Variants in NBEAL1 observed in about 807,000 individuals in gnomAD.
NBEAL1 encodes neurobeachin-like protein 1.
NBEAL1 carries 273 observed loss-of-function variants against 351.3 expected under a neutral mutation model. That is an observed-to-expected ratio of 0.78 (90% CI 0.70 to 0.86). NBEAL1 has a LOEUF of 0.86. NBEAL1 is among the 40% of genes least tolerant of loss of function. The probability of loss-of-function intolerance (pLI) is 0.00; values close to 1 mark genes in which losing one functional copy is unlikely to be tolerated. For missense variants in NBEAL1, 2,961 were observed against 3,201.3 expected (o/e 0.92, Z 1.81); for synonymous variants, 1,050 against 1,086.4 (o/e 0.97, Z 0.66).
intron 2 of NBEAL1, among the ~76,000 whole-genome samples, chr2:203,021,214 T>C (rs930237554): frequency 2.0e-5 from 3 of 151,832 alleles, no homozygotes; most frequent in African/African-American, 7.3e-5. Flanking sequence ...ACTCCTGACC[T>C]CAGGCGATCC....
intron 36 of NBEAL1, among the ~76,000 whole-genome samples, chr2:203,158,353 A>G (rs1248902181): frequency 6.6e-6 from 1 of 152,212 alleles, no homozygotes; most frequent in Non-Finnish European, 1.5e-5. Context: ...AAATGACTGA[A>G]AAGAATAGTA....
chr2:203,087,800 A>C (rs113665863), intron 10 of NBEAL1, among the ~76,000 whole-genome samples: 5,522 of 152,224 alleles, frequency 0.036, 133 homozygotes, highest in Middle Eastern at 0.065. Context: ...TTTCATACTC[A>C]ACTGTGGTCT....
intron 10 of NBEAL1, among the ~76,000 whole-genome samples, chr2:203,093,913 G>A (rs747510854): frequency 4.0e-5 from 6 of 151,802 alleles, no homozygotes; most frequent in Non-Finnish European, 5.9e-5. Context: ...CCTGCTGGCC[G>A]TAATAGTCTT....
intron 46 of NBEAL1, among the ~76,000 whole-genome samples, chr2:203,192,963 CTTTTT>C (rs71408917): frequency 3.2e-4 from 32 of 99,346 alleles, no homozygotes; most frequent in African/African-American, 6.2e-4. Context: ...TTCTTTCTTT[CTTTTT>C]TTTTTTTTTT....
chr2:203,167,870 A>G (rs534031554), intron 38 of NBEAL1, among the ~76,000 whole-genome samples: 3 of 152,124 alleles, frequency 2.0e-5, no homozygotes, highest in Admixed American at 2.0e-4. Context: ...TTGAGGTCAG[A>G]CAGGTATTAT....
At chr2:203,041,535 G>C (rs2061141271) in intron 2 of NBEAL1, among the ~76,000 whole-genome samples, 2 of 152,168 alleles carry the variant, frequency 1.3e-5, no homozygotes, top group Admixed American at 1.3e-4. Flanking sequence ...AGGGCAAATT[G>C]TTTAAACTTT....
chr2:203,130,257 C>A (rs2106295213), intron 24 of NBEAL1, 61 bp from the exon 25 acceptor site: 1 of 1,402,088 alleles, frequency 7.1e-7, no homozygotes, highest in Non-Finnish European at 9.4e-7. Flanking sequence ...TGGCTTATGA[C>A]CTTATTTGTG....
chr2:203,054,437 A>G (rs896166598), intron 4 of NBEAL1, among the ~76,000 whole-genome samples: 4 of 151,936 alleles, frequency 2.6e-5, no homozygotes, highest in Non-Finnish European at 1.5e-5. Context: ...AAAAAAAAAA[A>G]AAAATTTTTT....
chr2:203,191,497 CT>C (rs2105781116), intron 46 of NBEAL1, among the ~76,000 whole-genome samples: 1 of 152,050 alleles, frequency 6.6e-6, no homozygotes, highest in East Asian at 1.9e-4. Flanking sequence ...TCAAAGATGT[CT>C]TGATCTTTTT....
At chr2:203,068,671 C>A (rs1470737439) in intron 7 of NBEAL1, among the ~76,000 whole-genome samples, 196 bp downstream of exon 7, 1 of 152,010 alleles carries the variant, frequency 6.6e-6, no homozygotes, top group Non-Finnish European at 1.5e-5. Context: ...ATTTGCTGTT[C>A]TCAAAAAATT....
At chr2:203,206,975 A>C (rs1401932358) in intron 51 of NBEAL1, among the ~76,000 whole-genome samples, 1 of 144,300 alleles carries the variant, frequency 6.9e-6, no homozygotes, top group African/African-American at 2.6e-5. Flanking sequence ...GGAAGTGAGG[A>C]GCGCCTCTTC....
At chr2:203,041,956 C>T (rs2061149205) in intron 3 of NBEAL1, 100 bp downstream of exon 3, 2 of 755,404 alleles carry the variant, frequency 2.6e-6, no homozygotes, top group Admixed American at 4.5e-5. Flanking sequence ...TTATGTTACC[C>T]TCTTGATACT....
intron 46 of NBEAL1, chr2:203,191,411 G>T: frequency 1.8e-6 from 1 of 564,644 alleles, no homozygotes; most frequent in South Asian, 2.5e-5. Flanking sequence ...TCCCTATACT[G>T]GTATCTGAAA....
intron 51 of NBEAL1, among the ~76,000 whole-genome samples, chr2:203,204,068 A>G (rs2065479187): frequency 6.6e-6 from 1 of 151,300 alleles, no homozygotes; most frequent in African/African-American, 2.4e-5. Flanking sequence ...AGCTGGGACT[A>G]CAAGCGCGTG....
At chr2:203,207,902 CAGTT>C (rs2065655762) in intron 51 of NBEAL1, among the ~76,000 whole-genome samples, 1 of 152,154 alleles carries the variant, frequency 6.6e-6, no homozygotes, top group Non-Finnish European at 1.5e-5. Context: ...GACTTTAAAG[CAGTT>C]AGAGAAAGAA....
chr2:203,201,474 A>C (rs2065396281), intron 49 of NBEAL1, 69 bp from the exon 50 acceptor site: 3 of 1,269,196 alleles, frequency 2.4e-6, no homozygotes, highest in Non-Finnish European at 3.1e-6. Context: ...AGAGAGGTTT[A>C]AAAAGAATAG....
chr2:203,040,716 A>T, intron 2 of NBEAL1: 1 of 607,880 alleles, frequency 1.6e-6, no homozygotes, highest in Non-Finnish European at 3.1e-6. Context: ...AGGAGATCTC[A>T]TAGTTCTTGC....
rs766806847 is a variant in NBEAL1 at position 203,107,824 on chromosome 2, C to T, written c.1585C>T (p.His529Tyr). The change falls in exon 14 of 56, where the codon CAT becomes TAT. Residue 529 changes from histidine to tyrosine, a missense_variant. His to Tyr is a moderately conservative substitution (Grantham distance 83). Transcript: ENST00000683969. ...GIRIIETLDL[H>Y]SSLHQTCAEN... Reference sequence around the variant, plus strand: ...TAGAATCATTGAAACCCTTGACTTGCATTCTTCCCTCCATCAAACTTGTGC... The same window carrying T: ...TAGAATCATTGAAACCCTTGACTTGTATTCTTCCCTCCATCAAACTTGTGC... 4.4e-5 allele frequency: 68 copies of T among 1,554,620 alleles called. No homozygotes were observed. The South Asian group carries it at 8.1e-4, about 18-fold the overall frequency.
At chr2:203,154,582 A>G (rs1559411187) in intron 35 of NBEAL1, among the ~76,000 whole-genome samples, 1 of 152,186 alleles carries the variant, frequency 6.6e-6, no homozygotes, top group Admixed American at 6.5e-5. Flanking sequence ...GCTAACCTGC[A>G]AAGCTAACCA....
Sources: gnomAD v4.1 joint callset for allele counts (sites outside exome capture counted in the v4.1 genomes callset) on GRCh38, gnomAD v4.1.1 for gene constraint, MANE v1.5 for transcripts, NCBI Gene and HGNC (gene_info 2026-07-23, HGNC 2026-07-21) for gene names.